TRHDE: variants seen among roughly 807,000 people sequenced by gnomAD.
TRHDE encodes the protein thyrotropin-releasing hormone-degrading ectoenzyme.
Under a neutral mutation model 125.7 loss-of-function variants are expected in TRHDE, and 72 were observed. That is an observed-to-expected ratio of 0.57 (90% CI 0.47 to 0.70). TRHDE has a LOEUF of 0.70. Ranked by LOEUF, TRHDE falls within the 30% of genes least tolerant of loss-of-function variation. The pLI is 0.00. For missense variants in TRHDE, 1,110 were observed against 1,327.1 expected, an observed-to-expected ratio of 0.84 and a Z score of 2.54; for synonymous variants, 509 against 509.1, an observed-to-expected ratio of 1.00 and a Z score of 0.00.
rs531524605 is a variant in TRHDE at position 72,122,804 on chromosome 12, T to C, written n.279+17052T>C. ...GGCAGCCCCAAATATATCTTTTTCG[T>C]TTTATTCACAAGGAGCTCCAAACCT... On this transcript the variant is annotated intron_variant and non_coding_transcript_variant, in intron 2 of 4. Coordinates refer to the TRHDE transcript ENST00000548156. Among the ~76,000 whole-genome samples, 126 of 152,214 alleles carry C rather than the reference T, an allele frequency of 8.3e-4. 3 individuals carry two copies. The Middle Eastern group carries it at 0.014, about 16-fold the overall frequency.
chr12:72,483,673 T>C (rs536598601), intron 5 of TRHDE, among the ~76,000 whole-genome samples: 5 of 152,106 alleles, frequency 3.3e-5, no homozygotes, highest in South Asian at 2.1e-4. Flanking sequence ...AGGTTCTTAA[T>C]TGATTAACTT....
chr12:72,596,154 C>A (rs1871930372), intron 12 of TRHDE, among the ~76,000 whole-genome samples: 2 of 152,018 alleles, frequency 1.3e-5, no homozygotes, highest in Admixed American at 1.3e-4. Flanking sequence ...TCATTGTAAT[C>A]CAAAATAATC....
chr12:72,378,182 T>A (rs1428353977), intron 3 of TRHDE, 61 bp downstream of exon 3: 2 of 1,451,622 alleles, frequency 1.4e-6, no homozygotes, highest in Non-Finnish European at 1.8e-6. Flanking sequence ...TTCTTCTTCA[T>A]GTGTTTATTT....
Position 72,558,816 on chromosome 12 carries a change from C to T in TRHDE, c.1789-3349C>T, listed in dbSNP as rs562399783. ...TGAGAAGGTCTTCACTGGAGAAGGG[C>T]CACCAAAAGGAGCCAATATAGGGGA... On this transcript the variant is annotated intron_variant, in intron 7 of 18. Transcript: ENST00000261180. Among the ~76,000 whole-genome samples the T allele has an allele frequency of 2.0e-5, 3 of 152,168 alleles. No homozygotes were observed. In the South Asian group the frequency reaches 6.2e-4, roughly 32 times the overall value.
At chr12:72,140,547 A>G (rs901904283) in intron 2 of TRHDE, 1 of 152,212 alleles carries the variant, frequency 6.6e-6, no homozygotes, top group Non-Finnish European at 1.5e-5. Context: ...GTCATGGGCC[A>G]TGATTACTCA....
chr12:72,447,398 C>T (rs549060907), intron 3 of TRHDE, among the ~76,000 whole-genome samples: 32 of 152,168 alleles, frequency 2.1e-4, no homozygotes, highest in Middle Eastern at 3.4e-3. Flanking sequence ...GCACTAAATG[C>T]CCACAAGAGA....
At chr12:72,092,151 A>G (rs1874806551) in intron 1 of TRHDE, among the ~76,000 whole-genome samples, 1 of 152,226 alleles carries the variant, frequency 6.6e-6, no homozygotes, top group Admixed American at 6.5e-5. Flanking sequence ...GAGTTAAAAT[A>G]AAAAAGACTA....
chr12:72,553,660 T>C (rs1303272496), intron 7 of TRHDE, among the ~76,000 whole-genome samples: 1 of 152,004 alleles, frequency 6.6e-6, no homozygotes, highest in Non-Finnish European at 1.5e-5. Flanking sequence ...GAAGGAAGTC[T>C]TCTAAGCAGC....
chr12:72,090,736 T>C (rs962109367), intron 1 of TRHDE, among the ~76,000 whole-genome samples: 1 of 152,316 alleles, frequency 6.6e-6, no homozygotes, highest in South Asian at 2.1e-4. Context: ...TAGACAATGA[T>C]AAAATGCAGA....
chr12:72,208,957 A>C (rs974259577), intron 2 of TRHDE, among the ~76,000 whole-genome samples: 4 of 152,164 alleles, frequency 2.6e-5, no homozygotes, highest in African/African-American at 9.7e-5. Flanking sequence ...TTATGATTTC[A>C]CTAGGCTCCT....
intron 2 of TRHDE, among the ~76,000 whole-genome samples, chr12:72,159,481 G>T (rs1028720903): frequency 3.3e-5 from 5 of 152,194 alleles, no homozygotes; most frequent in Admixed American, 6.5e-5. Flanking sequence ...GTATGTAGAT[G>T]ACATGATTCT....
At chr12:72,549,987 C>T (rs1869600971) in intron 7 of TRHDE, among the ~76,000 whole-genome samples, 1 of 151,556 alleles carries the variant, frequency 6.6e-6, no homozygotes, top group Non-Finnish European at 1.5e-5. Flanking sequence ...ATTTAATAAT[C>T]CTGCAGGCAT....
chr12:72,217,755 A>C (rs1877922695), intron 2 of TRHDE, among the ~76,000 whole-genome samples: 1 of 152,146 alleles, frequency 6.6e-6, no homozygotes, highest in South Asian at 2.1e-4. Context: ...GAAACATAAA[A>C]ATTTTAAAAA....
intron 5 of TRHDE, among the ~76,000 whole-genome samples, chr12:72,486,636 C>T (rs1416114664): frequency 1.3e-5 from 2 of 152,152 alleles, no homozygotes; most frequent in African/African-American, 2.4e-5. Context: ...CCAACTGACA[C>T]CCATATGTCC....
chr12:72,319,554 G>A (rs953891041), intron 2 of TRHDE, among the ~76,000 whole-genome samples: 1 of 152,090 alleles, frequency 6.6e-6, no homozygotes, highest in Non-Finnish European at 1.5e-5. Flanking sequence ...ACTTTCTTAG[G>A]TGGTAACTTT....
At chr12:72,420,800 G>A (rs1330673361) in intron 3 of TRHDE, among the ~76,000 whole-genome samples, 2 of 152,112 alleles carry the variant, frequency 1.3e-5, no homozygotes, top group African/African-American at 4.8e-5. Flanking sequence ...ACTATTAGTA[G>A]CTAAACTCCC....
chr12:72,152,901 C>T (rs1876404452), intron 2 of TRHDE, among the ~76,000 whole-genome samples: 1 of 152,172 alleles, frequency 6.6e-6, no homozygotes, highest in Non-Finnish European at 1.5e-5. Flanking sequence ...CAGAATGGTG[C>T]TGGCCTCATA....
chr12:72,405,366 T>C (rs1873221367), intron 3 of TRHDE, among the ~76,000 whole-genome samples: 1 of 152,208 alleles, frequency 6.6e-6, no homozygotes, highest in South Asian at 2.1e-4. Context: ...GATCATTGTG[T>C]TTACTATGTT....
intron 5 of TRHDE, among the ~76,000 whole-genome samples, chr12:72,485,127 AG>A (rs1877342398): frequency 6.6e-6 from 1 of 152,122 alleles, no homozygotes; most frequent in South Asian, 2.1e-4. Flanking sequence ...CAGTCTTCGT[AG>A]GCTCTGAGCC....
Sources: gnomAD v4.1 joint callset for allele counts (sites outside exome capture counted in the v4.1 genomes callset) on GRCh38, gnomAD v4.1.1 for gene constraint, MANE v1.5 for transcripts, NCBI Gene and HGNC (gene_info 2026-07-23, HGNC 2026-07-21) for gene names.